Variants in PDLIM7 observed in about 807,000 individuals in gnomAD.
The protein encoded by PDLIM7 is PDZ and LIM domain protein 7.
In PDLIM7, 37 loss-of-function variants were observed where a neutral mutation model predicts 53.9. The ratio of observed to expected loss-of-function variants is 0.69; its 90% CI spans 0.53 to 0.90. The LOEUF (loss-of-function observed/expected upper bound fraction) is 0.90, where lower values mean the gene tolerates loss of function less well. PDLIM7 is among the 40% of genes least tolerant of loss of function. PDLIM7 has a pLI of 0.00. For missense variants in PDLIM7, 617 were observed against 638.5 expected, an observed-to-expected ratio of 0.97 and a Z score of 0.36; for synonymous variants, 300 against 261.3, an observed-to-expected ratio of 1.15 and a Z score of -1.43.
Position 177,489,759 on chromosome 5 carries a change from A to G in PDLIM7, c.634+12T>C. ...CCCACCCTTGCCCAGGCCCGAGCCC[A>G]CTCCCTCTCACCAGGCCAGGGCTCC... On this transcript the variant is annotated intron_variant, in intron 8 of 12. Coordinates refer to ENST00000355841, the MANE Select transcript of PDLIM7 (RefSeq NM_005451.5). The G allele has an allele frequency of 6.5e-7, 1 of 1,535,362 alleles. No individual in the cohort carries two copies. Among genetic ancestry groups the G allele is most frequent in the Non-Finnish European group, 8.8e-7 (1 of 1,139,338 alleles).
At position 177,492,411 on chromosome 5, in the gene PDLIM7, C is replaced by A. The variant is rs1254318114; in HGVS notation, c.273G>T (p.Pro91=). Residue 91 remains proline (P), a synonymous_variant, in exon 4 of 13, where the codon CCG becomes CCT. Transcript: ENST00000355841. The stretch of plus-strand genomic sequence containing the variant: ...GTCCCGGCCAGCCTCGTACCTTCTG[C>A]GGTTTGCTCTGAACCGGCTGGGCCC... ...LSRAQPVQSK[P]QKASAPAADP... 2 of 1,613,504 alleles carry A rather than the reference C, an allele frequency of 1.2e-6. No individual in the cohort carries two copies.
In PDLIM7 at chr5:177,496,542, A is replaced by T; in HGVS notation, c.-11-19T>A. On this transcript the variant is annotated intron_variant, in intron 1 of 12. Transcript: ENST00000355841. ...CCGGCTCCTGAGAGGAGAGAAGAGA[A>T]GGTGAGTGGCCAGCATGGTGGGCGG... The T allele has an allele frequency of 2.6e-6, 4 of 1,533,244 alleles. No individual in the cohort carries two copies. Among genetic ancestry groups the T allele is most frequent in the Non-Finnish European group, 3.5e-6 (4 of 1,131,880 alleles). 95.0% of individuals were successfully genotyped at this position (1,533,244 alleles called of 1,614,324 possible). A position where few individuals can be genotyped will look rare whatever the true frequency, so the allele number is the denominator to read the frequency against.
In PDLIM7 at chr5:177,489,434, G is replaced by A. The variant is rs138101063; in HGVS notation, c.828C>T (p.Asn276=). ...AGGVPGGGSN[N]GKTPVCHQCH... is the part of the protein sequence containing the mutation. Reference sequence around the variant, plus strand: ...ACTGGTGACACACGGGAGTCTTGCCGTTGTTGCTGCCCCCTCCTGGCACCC... The same window carrying A: ...ACTGGTGACACACGGGAGTCTTGCCATTGTTGCTGCCCCCTCCTGGCACCC... The change falls in exon 9 of 13, where the codon AAC becomes AAT. Residue 276 remains asparagine, a synonymous_variant. Coordinates refer to ENST00000355841, the MANE Select transcript of PDLIM7 (RefSeq NM_005451.5). 59 of 1,601,586 alleles carry A rather than the reference G, an allele frequency of 3.7e-5. 1 individual carries two copies. In the Middle Eastern group the frequency reaches 4.9e-4, roughly 13 times the overall value.
At chr5:177,490,509 G>T in intron 7 of PDLIM7, 1 of 1,560,496 alleles carries the variant, frequency 6.4e-7, no homozygotes, top group Non-Finnish European at 8.7e-7. Flanking sequence ...ACGACTGCAC[G>T]TTGAGCACGT....
Position 177,488,108 on chromosome 5 carries a change from T to G in PDLIM7, c.1010A>C (p.Tyr337Ser). 1.2e-6 allele frequency: 2 copies of G among 1,611,776 alleles called. No homozygotes were observed. Among genetic ancestry groups the G allele is most frequent in the Non-Finnish European group, 1.7e-6 (2 of 1,179,274 alleles). Residue 337 changes from tyrosine (Y) to serine (S), a missense_variant, in exon 10 of 13, where the codon TAT (tyrosine) becomes TCT (serine). Coordinates refer to ENST00000355841, the MANE Select transcript of PDLIM7 (RefSeq NM_005451.5). ...IFCPPCYDVR[Y>S]APSCAKCKKK... ...CTTGCACTTGGCACAGCTGGGTGCA[T>G]AGCGCACGTCATAGCATGGTGGGCA...
At chr5:177,497,176 G>A (rs1581768166) in intron 1 of PDLIM7, among the ~76,000 whole-genome samples, 1 of 152,028 alleles carries the variant, frequency 6.6e-6, no homozygotes, top group East Asian at 1.9e-4. Context: ...GACAGATGGG[G>A]GCTGGGACCC....
intron 2 of PDLIM7, chr5:177,493,115 C>G (rs1758890026): frequency 1.1e-5 from 2 of 183,250 alleles, no homozygotes. Context: ...CAGATATGCC[C>G]TCTGGCCCAT....
At position 177,490,761 on chromosome 5, in the gene PDLIM7, G is replaced by C. The variant is rs575346781; in HGVS notation, c.572+109C>G. 1.7e-4 allele frequency: 168 copies of C among 979,608 alleles called. 1 individual carries two copies. In the African/African-American group the frequency reaches 2.4e-3, roughly 14 times the overall value. 60.7% of individuals were successfully genotyped at this position (979,608 alleles called of 1,614,324 possible). A position where few individuals can be genotyped will look rare whatever the true frequency, so the allele number is the denominator to read the frequency against. ...AGGAAGGAAGGAAGGAAGGAAGGAAGGAAGGGAGAATTGAGAGCCCCAGCT... is the reference window on the plus strand; with the variant it reads ...AGGAAGGAAGGAAGGAAGGAAGGAACGAAGGGAGAATTGAGAGCCCCAGCT... On this transcript the variant is annotated intron_variant, in intron 7 of 12. Coordinates refer to ENST00000355841, the MANE Select transcript of PDLIM7 (RefSeq NM_005451.5).
rs868473976 is a variant in PDLIM7 at position 177,491,909 on chromosome 5, G to A, written c.296C>T (p.Ala99Val). 3.1e-6 allele frequency: 4 copies of A among 1,284,130 alleles called. No individual in the cohort carries two copies. Among genetic ancestry groups the A allele is most frequent in the Non-Finnish European group, 4.0e-6 (4 of 1,010,694 alleles). The allele number at this position is 1,284,130 out of a possible 1,614,324, so 79.5% of individuals were successfully genotyped here. A position where few individuals can be genotyped will look rare whatever the true frequency, so the allele number is the denominator to read the frequency against. Reference protein sequence around the residue: ...SKPQKASAPAADPPRYTFAPS... With the variant: ...SKPQKASAPAVDPPRYTFAPS... ...TGCAAAGGTGTACCGCGGAGGGTCC[G>A]CGGCGGGGGCGGAGGCCTGGGCAGA... The change falls in exon 5 of 13, where the codon GCG (alanine) becomes GTG (valine). Residue 99 changes from alanine to valine, a missense_variant. Ala to Val is a moderately conservative substitution (Grantham distance 64, BLOSUM62 0). Coordinates refer to ENST00000355841, the MANE Select transcript of PDLIM7 (RefSeq NM_005451.5).
intron 10 of PDLIM7, 126 bp downstream of exon 10, chr5:177,487,942 C>A: frequency 1.2e-6 from 1 of 816,104 alleles, no homozygotes; most frequent in Non-Finnish European, 1.9e-6. Flanking sequence ...TACAGCAGCC[C>A]ATTTATTACG....
intron 2 of PDLIM7, chr5:177,492,982 C>G (rs1758884726): frequency 2.4e-6 from 1 of 411,626 alleles, no homozygotes; most frequent in Non-Finnish European, 4.5e-6. Context: ...CACCCTCCCC[C>G]ACAGTCCAGA....
In PDLIM7 at chr5:177,484,813, G is replaced by C. The variant is rs543232356; in HGVS notation, c.1051-623C>G. 104 of 156,386 alleles carry C rather than the reference G, an allele frequency of 6.7e-4. 2 individuals are homozygous for C. In the South Asian group the frequency reaches 0.019, roughly 29 times the overall value. 9.7% of individuals were successfully genotyped at this position (156,386 alleles called of 1,614,324 possible). ...TCTGACCTCGTTCCCAACCGTCTCC[G>C]CCACTGCTCTCCCTTGCGTTCTCAC... is the stretch of plus-strand genomic sequence containing the variant. On this transcript the variant is annotated intron_variant, in intron 10 of 12. Coordinates refer to ENST00000355841, the MANE Select transcript of PDLIM7 (RefSeq NM_005451.5).
chr5:177,497,340 C>T (rs1251570130), intron 1 of PDLIM7, among the ~76,000 whole-genome samples, 188 bp downstream of exon 1: 2 of 152,024 alleles, frequency 1.3e-5, no homozygotes, highest in African/African-American at 4.8e-5. Flanking sequence ...GGAAGCGGCG[C>T]AGGCGCCAAT....
intron 10 of PDLIM7, chr5:177,484,737 C>T (rs1035263610): frequency 6.3e-6 from 1 of 157,586 alleles, no homozygotes; most frequent in Non-Finnish European, 1.4e-5. Flanking sequence ...TACTGCTTCC[C>T]ATTGCTCCCA....
At chr5:177,493,206 A>G (rs1196033982) in intron 2 of PDLIM7, among the ~76,000 whole-genome samples, 1 of 152,098 alleles carries the variant, frequency 6.6e-6, no homozygotes, top group Non-Finnish European at 1.5e-5. Flanking sequence ...GGGGCCATCT[A>G]TAGGGGTCTG....
chr5:177,490,939 A>T, intron 6 of PDLIM7, 33 bp from the exon 7 acceptor site: 1 of 1,614,140 alleles, frequency 6.2e-7, no homozygotes, highest in Non-Finnish European at 8.5e-7. Flanking sequence ...TGACCAAAAA[A>T]GACACAGGGT....
In PDLIM7 at chr5:177,492,614, C is replaced by T. The variant is rs573620137; in HGVS notation, c.160G>A (p.Asp54Asn). The T allele has an allele frequency of 8.1e-6, 13 of 1,611,914 alleles. No homozygotes were observed. Among genetic ancestry groups the T allele is most frequent in the African/African-American group, 1.3e-5 (1 of 75,068 alleles). ...GTGAGGCTACCCGCATTCTCGCCAT[C>T]GATGCTCAGCACCCAGTCACCCACG... ...VAVGDWVLSI[D>N]GENAGSLTHI... is the part of the protein sequence containing the mutation. Residue 54 changes from aspartate to asparagine, a missense_variant, in exon 3 of 13, where the codon GAT (aspartate) becomes AAT (asparagine). Transcript: ENST00000355841.
chr5:177,490,473 GGCA>G, intron 7 of PDLIM7: 2 of 1,545,714 alleles, frequency 1.3e-6, no homozygotes, highest in South Asian at 2.4e-5. Flanking sequence ...AGGCAGAGAG[GGCA>G]GCCGGCTGGA....
At chr5:177,489,723 C>T (rs1315848955) in intron 8 of PDLIM7, 48 bp downstream of exon 8, 6 of 1,490,858 alleles carry the variant, frequency 4.0e-6, no homozygotes, top group Non-Finnish European at 4.5e-6. Flanking sequence ...CCCCCATGCC[C>T]CTGGAGGCTG....
Sources: allele counts gnomAD v4.1 joint callset (sites outside exome capture counted in the v4.1 genomes callset), GRCh38; gene constraint gnomAD v4.1.1; transcripts MANE v1.5; gene names NCBI Gene and HGNC (gene_info 2026-07-23, HGNC 2026-07-21).